CLASP1: variants seen among roughly 807,000 people sequenced by gnomAD.
CLASP1 encodes the protein CLIP-associating protein 1.
In CLASP1, 38 loss-of-function variants were observed where a neutral mutation model predicts 192.3. The ratio of observed to expected loss-of-function variants is 0.20; its 90% CI spans 0.15 to 0.26. The LOEUF (loss-of-function observed/expected upper bound fraction) is 0.26, where lower values mean the gene tolerates loss of function less well. CLASP1 is among the 10% of genes least tolerant of loss of function. The probability of loss-of-function intolerance (pLI) is 1.00; values close to 1 mark genes in which losing one functional copy is unlikely to be tolerated. For missense variants in CLASP1, 1,433 were observed against 1,932.5 expected (o/e 0.74, Z 4.85); for synonymous variants, 691 against 712.8 (o/e 0.97, Z 0.49).
At chr2:121,482,461 C>G (rs17006537) in intron 8 of CLASP1, among the ~76,000 whole-genome samples, 6,172 of 152,248 alleles carry the variant, frequency 0.041, 431 homozygotes, top group African/African-American at 0.14. Flanking sequence ...AAAGAACTTA[C>G]AGCGACACGC....
At chr2:121,618,342 A>T (rs1159349153) in intron 1 of CLASP1, among the ~76,000 whole-genome samples, 2 of 152,228 alleles carry the variant, frequency 1.3e-5, no homozygotes, top group Admixed American at 6.5e-5. Context: ...TTAGAAGTAG[A>T]GGTAAGGGAG....
rs140919121 is a variant in CLASP1, at chr2:121,358,846, G to A, written c.4206+4326C>T. On this transcript the variant is annotated intron_variant, in intron 37 of 39. Transcript: ENST00000263710. ...TGGATTCTGGTGCCTTAAACACCAC[G>A]ACCTTTGTGTGTGTAGCAAGAAATG... 7.2e-5 allele frequency among the ~76,000 whole-genome samples: 11 copies of A among 152,308 alleles called. 1 individual carries two copies. In the East Asian group the frequency reaches 2.1e-3, roughly 29 times the overall value.
chr2:121,599,308 A>C (rs2063511892), intron 2 of CLASP1, among the ~76,000 whole-genome samples: 1 of 149,890 alleles, frequency 6.7e-6, no homozygotes, highest in African/African-American at 2.5e-5. Flanking sequence ...AAAAAAAAAC[A>C]GCCGGGCACG....
At position 121,630,720 on chromosome 2, in the gene CLASP1, C is replaced by T. The variant is rs550497006; in HGVS notation, c.-286+18652G>A. Among the ~76,000 whole-genome samples, 309 of 151,638 alleles carry T rather than the reference C, an allele frequency of 2.0e-3. 1 individual carries two copies. Among genetic ancestry groups the T allele is most frequent in the African/African-American group, 7.2e-3 (296 of 41,354 alleles). The stretch of plus-strand genomic sequence containing the variant: ...CTCTACTGAAAATAAAAAAATTAGC[C>T]GGGCATGGTGGTGGATGCCTGTAAT... On this transcript the variant is annotated intron_variant, in intron 1 of 39. Coordinates refer to ENST00000263710, the Ensembl canonical transcript of CLASP1.
At chr2:121,470,349 C>T (rs2149974818) in intron 8 of CLASP1, 1 of 457,704 alleles carries the variant, frequency 2.2e-6, no homozygotes, top group South Asian at 1.6e-5. Flanking sequence ...TCACTCAATC[C>T]TCCCTCCTTG....
At chr2:121,430,027 G>T in intron 20 of CLASP1, 46 bp downstream of exon 20, 1 of 1,382,744 alleles carries the variant, frequency 7.2e-7, no homozygotes, top group Non-Finnish European at 1.0e-6. Flanking sequence ...AGAATGAGCT[G>T]TTGAATAAAA....
At chr2:121,531,391 C>G (rs1377828190) in intron 2 of CLASP1, among the ~76,000 whole-genome samples, 1 of 146,902 alleles carries the variant, frequency 6.8e-6, no homozygotes, top group African/African-American at 2.5e-5. Flanking sequence ...GTCAGGAGAT[C>G]GAGACCATCC....
At chr2:121,368,830 T>G (rs1272051464) in intron 34 of CLASP1, among the ~76,000 whole-genome samples, 1 of 152,222 alleles carries the variant, frequency 6.6e-6, no homozygotes, top group African/African-American at 2.4e-5. Flanking sequence ...GAAAAGTAGA[T>G]GTAACATACC....
chr2:121,555,954 G>C (rs1315907871), intron 2 of CLASP1, among the ~76,000 whole-genome samples: 1 of 145,198 alleles, frequency 6.9e-6, no homozygotes, highest in South Asian at 2.2e-4. Context: ...TGAAATTACA[G>C]GTGTGAGCCA....
intron 2 of CLASP1, among the ~76,000 whole-genome samples, chr2:121,581,552 G>A (rs754216877): frequency 4.4e-4 from 67 of 152,198 alleles, no homozygotes; most frequent in Admixed American, 7.8e-4. Flanking sequence ...GGGATTACAG[G>A]CATGAGCCAC....
At chr2:121,467,279 T>A (rs1185000641) in intron 9 of CLASP1, among the ~76,000 whole-genome samples, 3 of 152,212 alleles carry the variant, frequency 2.0e-5, no homozygotes, top group Non-Finnish European at 4.4e-5. Context: ...TATGCATACA[T>A]GTATCTTTAT....
At chr2:121,411,813 T>C (rs930063435) in intron 23 of CLASP1, among the ~76,000 whole-genome samples, 13 of 152,176 alleles carry the variant, frequency 8.5e-5, no homozygotes, top group Non-Finnish European at 1.8e-4. Context: ...ATTAAAACTA[T>C]ACTAGGAGAA....
intron 7 of CLASP1, among the ~76,000 whole-genome samples, chr2:121,508,550 T>TA (rs909837419): frequency 5.3e-5 from 8 of 152,112 alleles, no homozygotes; most frequent in African/African-American, 1.4e-4. Context: ...AATGGAAAGT[T>TA]AAAAAAAGTC....
chr2:121,457,068 A>T (rs950169608), intron 14 of CLASP1, among the ~76,000 whole-genome samples: 1 of 152,180 alleles, frequency 6.6e-6, no homozygotes, highest in Non-Finnish European at 1.5e-5. Context: ...TTTATTCCTC[A>T]CACGTAGTTT....
intron 32 of CLASP1, among the ~76,000 whole-genome samples, chr2:121,385,787 T>A (rs768957127): frequency 6.6e-6 from 1 of 152,238 alleles, no homozygotes; most frequent in African/African-American, 2.4e-5. Context: ...AAGTTTTCCA[T>A]ATAATTTTCT....
At chr2:121,454,795 A>T (rs1471004203) in intron 14 of CLASP1, among the ~76,000 whole-genome samples, 2 of 152,242 alleles carry the variant, frequency 1.3e-5, no homozygotes, top group Admixed American at 1.3e-4. Flanking sequence ...TTACGCAAGG[A>T]AAAACACATT....
At chr2:121,540,034 A>G (rs1204792687) in intron 2 of CLASP1, among the ~76,000 whole-genome samples, 1 of 152,278 alleles carries the variant, frequency 6.6e-6, no homozygotes, top group Non-Finnish European at 1.5e-5. Context: ...TCAACACTTT[A>G]GAAAACATAT....
intron 8 of CLASP1, among the ~76,000 whole-genome samples, chr2:121,484,478 C>A (rs2092834235): frequency 6.6e-6 from 1 of 152,228 alleles, no homozygotes. Flanking sequence ...GCCAAAAAGT[C>A]AGCCTTGCTG....
chr2:121,444,139 A>G (rs889179068), intron 19 of CLASP1, among the ~76,000 whole-genome samples: 1 of 152,238 alleles, frequency 6.6e-6, no homozygotes, highest in Admixed American at 6.5e-5. Context: ...TGCACTTATC[A>G]AAAACCTGCA....
Sources: gnomAD v4.1 joint callset for allele counts (sites outside exome capture counted in the v4.1 genomes callset) on GRCh38, gnomAD v4.1.1 for gene constraint, MANE v1.5 for transcripts, NCBI Gene and HGNC (gene_info 2026-07-23, HGNC 2026-07-21) for gene names.